DCLRE1A: variants seen among roughly 807,000 people sequenced by gnomAD.
DCLRE1A encodes the protein DNA cross-link repair 1A, also known as DNA cross-link repair 1A protein.
Under a neutral mutation model 91.9 loss-of-function variants are expected in DCLRE1A, and 64 were observed. The ratio of observed to expected loss-of-function variants is 0.70; its 90% CI spans 0.57 to 0.86. The LOEUF is 0.86. Ranked by LOEUF, DCLRE1A falls within the 40% of genes least tolerant of loss-of-function variation. The pLI, the probability that DCLRE1A is intolerant of heterozygous loss-of-function variation, is 0.00. For missense variants in DCLRE1A, 1,145 were observed against 1,213.3 expected (o/e 0.94, Z 0.84); for synonymous variants, 416 against 431.1 (o/e 0.96, Z 0.43).
At chr10:113,835,996 C>T (rs1212953165) in intron 8 of DCLRE1A, among the ~76,000 whole-genome samples, 2 of 152,022 alleles carry the variant, frequency 1.3e-5, no homozygotes, top group East Asian at 1.9e-4. Context: ...TTTGAAAGTG[C>T]GTGGCACTTC....
chr10:113,837,227 G>C, intron 7 of DCLRE1A, 24 bp from the exon 8 acceptor site: 1 of 1,595,986 alleles, frequency 6.3e-7, no homozygotes, highest in Non-Finnish European at 8.5e-7. Flanking sequence ...ATAGCATATT[G>C]AGGTCAATGG....
rs747837974 is a variant in DCLRE1A at position 113,847,300 on chromosome 10, C to T, written c.2161G>A (p.Val721Met). 126 of 1,613,846 alleles carry T rather than the reference C, an allele frequency of 7.8e-5. No individual in the cohort carries two copies. Among genetic ancestry groups the T allele is most frequent in the South Asian group, 4.8e-4 (44 of 91,070 alleles). Residue 721 changes from valine (V) to methionine (M), a missense_variant, in exon 3 of 9, where the codon GTG becomes ATG. Transcript: ENST00000361384. ...GFTVDAFQYG[V>M]VEGCTAYFLT... is the part of the protein sequence containing the mutation. Reference sequence around the variant, plus strand: ...AAATAGGCTGTGCAACCTTCAACCACGCCATACTGAAAGGCATCAACTGTA... The same window carrying T: ...AAATAGGCTGTGCAACCTTCAACCATGCCATACTGAAAGGCATCAACTGTA...
intron 1 of DCLRE1A, among the ~76,000 whole-genome samples, chr10:113,851,256 T>C (rs1395183951): frequency 6.6e-6 from 1 of 152,228 alleles, no homozygotes. Context: ...ACTAGCAAAT[T>C]TGTGAGGTTT....
rs946097643 is a variant in DCLRE1A at position 113,853,039 on chromosome 10, A to G, written c.144T>C (p.Ser48=). The stretch of plus-strand genomic sequence containing the variant: ...CTTCTGCGGCTCTTTTTCTGTTTCT[A>G]CTCCGTTTTGACTGGTATTTTCCAT... ...ATDGKYQSKR[S]RNRKRAAEAK... is the part of the protein sequence containing the mutation. Residue 48 remains serine (S), a synonymous_variant, in exon 1 of 9, where the codon AGT becomes AGC. Coordinates refer to ENST00000361384, the MANE Select transcript of DCLRE1A (RefSeq NM_014881.5). 6.2e-6 allele frequency: 10 copies of G among 1,612,754 alleles called. No individual in the cohort carries two copies. The highest frequency in any genetic ancestry group is 1.7e-5 in the Admixed American group (1 of 59,830).
chr10:113,852,964 C>T lies in DCLRE1A; in HGVS notation c.219G>A (p.Gln73=), dbSNP rs1278729400. Residue 73 remains glutamine, a synonymous_variant, in exon 1 of 9, where the codon CAG becomes CAA. Transcript: ENST00000361384. ...HEVPLGNAGC[Q]TSVASSQNSS... is the part of the protein sequence containing the mutation. ...AATTCTGACTAGAAGCAACAGAAGT[C>T]TGACAACCTGCATTTCCAAGGGGCA... 1.9e-6 allele frequency: 3 copies of T among 1,614,098 alleles called. No homozygotes were observed. Among genetic ancestry groups the T allele is most frequent in the Non-Finnish European group, 2.5e-6 (3 of 1,180,044 alleles).
rs539091187 is a variant in DCLRE1A, at chr10:113,849,032, A to G, written c.2073T>C (p.Ser691=). The stretch of plus-strand genomic sequence containing the variant: ...TCTTTTTTCTTGATCCTCCTACATT[A>G]GATGACTCTGGGATTTTCTTGTTGC... The part of the protein sequence containing the change: ...QRGNKKIPES[S]NVGGSRKKTC... The change falls in exon 2 of 9, where the codon TCT becomes TCC. Residue 691 remains serine, a synonymous_variant. Transcript: ENST00000361384. 50 of 1,614,166 alleles carry G rather than the reference A, an allele frequency of 3.1e-5. 3 individuals carry two copies. In the South Asian group the frequency reaches 5.4e-4, roughly 17 times the overall value.
At chr10:113,835,732 C>T (rs1474537101) in intron 8 of DCLRE1A, among the ~76,000 whole-genome samples, 1 of 152,012 alleles carries the variant, frequency 6.6e-6, no homozygotes, top group Non-Finnish European at 1.5e-5. Flanking sequence ...GTCAGGAGTT[C>T]GAGGCCAGCC....
rs575146135 is a variant in DCLRE1A, at chr10:113,842,259, A to C, written c.2665+84T>G. ...TTACAGGAAATAATTATCAAATGCA[A>C]GAGTAGAAACTGAAAGGGCATTATG... is the stretch of plus-strand genomic sequence containing the variant. On this transcript the variant is annotated intron_variant, in intron 6 of 8. Coordinates refer to ENST00000361384, the MANE Select transcript of DCLRE1A (RefSeq NM_014881.5). 34 of 1,157,896 alleles carry C rather than the reference A, an allele frequency of 2.9e-5. 1 individual carries two copies. The South Asian group carries it at 6.9e-4, about 24-fold the overall frequency. 71.7% of individuals were successfully genotyped at this position (1,157,896 alleles called of 1,614,324 possible).
In DCLRE1A at chr10:113,847,330, C is replaced by G. The variant is rs368419548; in HGVS notation, c.2131G>C (p.Gly711Arg). ...TACTGAAAGGCATCAACTGTAAAGC[C>G]GGTTCCTGCAATAAAAATACCGACA... Reference protein sequence around the residue: ...CPFYKKIPGTGFTVDAFQYGV... With the variant: ...CPFYKKIPGTRFTVDAFQYGV... The change falls in exon 3 of 9, where the codon GGC becomes CGC. Residue 711 changes from glycine to arginine, a missense_variant. Physicochemically the swap from Gly to Arg is moderately radical, Grantham distance 125. Coordinates refer to ENST00000361384, the MANE Select transcript of DCLRE1A (RefSeq NM_014881.5). 7.4e-6 allele frequency: 12 copies of G among 1,613,078 alleles called. No homozygotes were observed. In the African/African-American group the frequency reaches 1.3e-4, roughly 18 times the overall value.
intron 7 of DCLRE1A, among the ~76,000 whole-genome samples, chr10:113,837,970 A>G (rs17228842): frequency 1.7e-3 from 256 of 152,288 alleles, no homozygotes; most frequent in African/African-American, 6.0e-3. Flanking sequence ...ACTAAAATCC[A>G]TAGTTTCAAA....
At chr10:113,852,103 G>A (rs1307305324) in intron 1 of DCLRE1A, among the ~76,000 whole-genome samples, 1 of 152,188 alleles carries the variant, frequency 6.6e-6, no homozygotes, top group Admixed American at 6.5e-5. Context: ...TTGGGAGGCC[G>A]AGGCGGGCAG....
intron 4 of DCLRE1A, among the ~76,000 whole-genome samples, chr10:113,844,936 C>CA (rs531248552): frequency 0.036 from 2,729 of 75,154 alleles, 54 homozygotes; most frequent in African/African-American, 0.11. Flanking sequence ...AACTCTGTCT[C>CA]AAAAAAAAAA....
In DCLRE1A at chr10:113,847,230, T is replaced by C. The variant is rs1439908784; in HGVS notation, c.2231A>G (p.His744Arg). Residue 744 changes from histidine to arginine, a missense_variant, in exon 3 of 9, where the codon CAC (histidine) becomes CGC (arginine). By Grantham distance (29) the His-to-Arg change is conservative. Transcript: ENST00000361384. Reference sequence around the variant, plus strand: ...ACTACAATAAACTGGAAATGTGAAGTGTTTAGACAATCCAGCATAATGATC... The same window carrying C: ...ACTACAATAAACTGGAAATGTGAAGCGTTTAGACAATCCAGCATAATGATC... ...HSDHYAGLSK[H>R]FTFPVYCSEI... 3 of 1,612,200 alleles carry C rather than the reference T, an allele frequency of 1.9e-6. No individual in the cohort carries two copies. Among genetic ancestry groups the C allele is most frequent in the Non-Finnish European group, 2.5e-6 (3 of 1,178,840 alleles).
chr10:113,848,836 T>C (rs778535763), intron 2 of DCLRE1A, 144 bp downstream of exon 2: 4 of 777,838 alleles, frequency 5.1e-6, no homozygotes, highest in Non-Finnish European at 4.1e-6. Flanking sequence ...ATATCTACGT[T>C]AGAGGCTCAT....
intron 2 of DCLRE1A, among the ~76,000 whole-genome samples, chr10:113,847,945 C>T (rs1301818789): frequency 1.3e-5 from 2 of 152,058 alleles, no homozygotes; most frequent in Non-Finnish European, 2.9e-5. Context: ...TACTGACTGG[C>T]GATGTGCAAA....
chr10:113,848,643 T>C (rs958280047), intron 2 of DCLRE1A, among the ~76,000 whole-genome samples: 2 of 152,202 alleles, frequency 1.3e-5, no homozygotes, highest in Non-Finnish European at 2.9e-5. Context: ...CTGCCTTTTA[T>C]TATAGTTATT....
At chr10:113,852,658 G>T in intron 1 of DCLRE1A, 65 bp downstream of exon 1, 3 of 1,443,814 alleles carry the variant, frequency 2.1e-6, no homozygotes, top group South Asian at 1.4e-5. Flanking sequence ...CACTGAATTG[G>T]TATGTCTGAC....
At position 113,852,845 on chromosome 10, in the gene DCLRE1A, T is replaced by G; in HGVS notation, c.338A>C (p.Lys113Thr). The G allele has an allele frequency of 6.2e-7, 1 of 1,614,162 alleles. No individual in the cohort carries two copies. The highest frequency in any genetic ancestry group is 8.5e-7 in the Non-Finnish European group (1 of 1,180,022). The change falls in exon 1 of 9, where the codon AAG becomes ACG. Residue 113 changes from lysine to threonine, a missense_variant. Coordinates refer to ENST00000361384, the MANE Select transcript of DCLRE1A (RefSeq NM_014881.5). ...RTQKSQHVSP[K>T]IRPVYDGYCP... is the part of the protein sequence containing the mutation. The stretch of plus-strand genomic sequence containing the variant: ...GTATCCATCATAAACTGGACGTATC[T>G]TTGGGGACACGTGTTGGCTTTTTTG...
chr10:113,854,134 G>A (rs1373865543), upstream of DCLRE1A: 2 of 152,278 alleles, frequency 1.3e-5, no homozygotes, highest in African/African-American at 4.8e-5. Context: ...CCGCCCTCAA[G>A]GACCCTCACC....
Sources: gnomAD v4.1 joint callset for allele counts (sites outside exome capture counted in the v4.1 genomes callset) on GRCh38, gnomAD v4.1.1 for gene constraint, MANE v1.5 for transcripts, NCBI Gene and HGNC (gene_info 2026-07-23, HGNC 2026-07-21) for gene names.